The following NAALADL2 variants were observed in gnomAD, a reference collection of about 807,000 sequenced individuals.
NAALADL2 encodes the protein N-acetylated alpha-linked acidic dipeptidase like 2.
A neutral mutation model predicts 87.2 loss-of-function variants in NAALADL2; 76 were observed. That is an observed-to-expected ratio of 0.87 (90% CI 0.72 to 1.05). The LOEUF (loss-of-function observed/expected upper bound fraction) is 1.05, where lower values mean the gene tolerates loss of function less well. Ranked by LOEUF, NAALADL2 falls within the 50% of genes least tolerant of loss-of-function variation. The pLI is 0.00. For missense variants in NAALADL2, 1,089 were observed against 945.8 expected, an observed-to-expected ratio of 1.15 and a Z score of -1.99; for synonymous variants, 354 against 331.0, an observed-to-expected ratio of 1.07 and a Z score of -0.75.
At chr3:174,784,392 TA>T (rs1230000283) in intron 3 of NAALADL2, among the ~76,000 whole-genome samples, 2 of 152,186 alleles carry the variant, frequency 1.3e-5, no homozygotes, top group African/African-American at 4.8e-5. Flanking sequence ...TTGAAGAGCC[TA>T]AATCTGCCTT....
intron 11 of NAALADL2, among the ~76,000 whole-genome samples, chr3:175,644,638 C>A (rs1389426604): frequency 6.6e-6 from 1 of 152,082 alleles, no homozygotes; most frequent in African/African-American, 2.4e-5. Context: ...GTTTTAGACA[C>A]AGAATTTTAA....
At chr3:175,157,190 C>T (rs1732448544) in intron 2 of NAALADL2, among the ~76,000 whole-genome samples, 1 of 151,930 alleles carries the variant, frequency 6.6e-6, no homozygotes, top group Admixed American at 6.6e-5. Context: ...AACTGTCTAC[C>T]TCCAGTTGCG....
chr3:174,921,874 T>C (rs1408265171), intron 1 of NAALADL2, among the ~76,000 whole-genome samples: 1 of 147,308 alleles, frequency 6.8e-6, no homozygotes, highest in Non-Finnish European at 1.5e-5. Flanking sequence ...AGGTGCAAAA[T>C]CCATTTGGCA....
In NAALADL2 at chr3:174,726,759, G is replaced by C. The variant is rs187033632; in HGVS notation, c.-114-10882G>C. Among the ~76,000 whole-genome samples the C allele has an allele frequency of 1.5e-3, 230 of 152,058 alleles. 1 individual carries two copies. The highest frequency in any genetic ancestry group is 5.4e-3 in the African/African-American group (224 of 41,478). On this transcript the variant is annotated intron_variant, in intron 2 of 3. Coordinates refer to the NAALADL2 transcript ENST00000434257. ...TGCCCCTCAGGATTTCGTGTTCTCAGTGGCTCATCTTCACTGCTTAAGGCA... is the reference window on the plus strand; with the variant it reads ...TGCCCCTCAGGATTTCGTGTTCTCACTGGCTCATCTTCACTGCTTAAGGCA...
chr3:175,385,622 A>G (rs1768286799), intron 5 of NAALADL2, among the ~76,000 whole-genome samples: 1 of 152,154 alleles, frequency 6.6e-6, no homozygotes, highest in African/African-American at 2.4e-5. Context: ...GCTAGAAGAG[A>G]ATAATTCAAA....
intron 1 of NAALADL2, among the ~76,000 whole-genome samples, chr3:175,081,690 G>T (rs1388944577): frequency 6.6e-6 from 1 of 152,044 alleles, no homozygotes; most frequent in African/African-American, 2.4e-5. Context: ...CACAGCATTG[G>T]TTCTTGTTGA....
At chr3:174,728,321 T>C (rs961901746) in intron 2 of NAALADL2, among the ~76,000 whole-genome samples, 3 of 152,018 alleles carry the variant, frequency 2.0e-5, no homozygotes, top group Non-Finnish European at 2.9e-5. Flanking sequence ...TATGAACTTA[T>C]AATAAGCCTT....
At chr3:174,824,152 G>C (rs1721730552) in intron 3 of NAALADL2, among the ~76,000 whole-genome samples, 1 of 152,098 alleles carries the variant, frequency 6.6e-6, no homozygotes, top group South Asian at 2.1e-4. Context: ...GATCATAGCT[G>C]AGTGTAATTT....
chr3:174,931,659 T>C (rs1354401047), intron 1 of NAALADL2, among the ~76,000 whole-genome samples: 1 of 152,176 alleles, frequency 6.6e-6, no homozygotes, highest in East Asian at 1.9e-4. Flanking sequence ...CAAGGGTAGA[T>C]AAGATCCAAG....
chr3:175,695,875 G>A (rs528959653), intron 11 of NAALADL2, among the ~76,000 whole-genome samples: 5 of 152,160 alleles, frequency 3.3e-5, no homozygotes, highest in South Asian at 4.1e-4. Context: ...TAGCCTGGGC[G>A]TGCTTATTAG....
At chr3:175,339,480 C>T (rs1460204509) in intron 5 of NAALADL2, among the ~76,000 whole-genome samples, 2 of 152,168 alleles carry the variant, frequency 1.3e-5, no homozygotes, top group Non-Finnish European at 2.9e-5. Flanking sequence ...CAAGTCTCAT[C>T]TCTTTAATTC....
chr3:174,739,427 G>T (rs576375637), intron 3 of NAALADL2, among the ~76,000 whole-genome samples: 1 of 152,148 alleles, frequency 6.6e-6, no homozygotes, highest in African/African-American at 2.4e-5. Context: ...GATAAAGAGA[G>T]AATTATAAGG....
intron 2 of NAALADL2, among the ~76,000 whole-genome samples, chr3:174,597,030 A>G (rs1560080538): frequency 6.6e-6 from 1 of 152,196 alleles, no homozygotes; most frequent in Admixed American, 6.5e-5. Flanking sequence ...GGCATCCAAC[A>G]CTATCCCAAG....
At chr3:174,888,673 C>T (rs993242195) in intron 1 of NAALADL2, among the ~76,000 whole-genome samples, 2 of 152,186 alleles carry the variant, frequency 1.3e-5, no homozygotes, top group African/African-American at 2.4e-5. Context: ...ATCAACCTTG[C>T]GCTCTGAGCA....
Position 175,433,119 on chromosome 3 carries a change from C to T in NAALADL2, c.1091-14110C>T, listed in dbSNP as rs116207424. Among the ~76,000 whole-genome samples, 1,037 of 152,116 alleles carry T rather than the reference C, an allele frequency of 6.8e-3. 10 individuals carry two copies. The highest frequency in any genetic ancestry group is 0.024 in the African/African-American group (1,002 of 41,528). On this transcript the variant is annotated intron_variant, in intron 5 of 13. Transcript: ENST00000454872. ...TCTCCCAGCTCTTCTGGTTTGCTCC[C>T]TGTTTCCATCCCAAGCCACAAATAT... is the stretch of plus-strand genomic sequence containing the variant.
intron 1 of NAALADL2, among the ~76,000 whole-genome samples, chr3:174,947,144 T>A (rs1560399233): frequency 1.3e-5 from 2 of 152,200 alleles, no homozygotes; most frequent in Non-Finnish European, 2.9e-5. Flanking sequence ...GAGGGTCAAA[T>A]GTATAATTTT....
intron 3 of NAALADL2, among the ~76,000 whole-genome samples, chr3:174,796,287 C>A (rs1718076111): frequency 6.6e-6 from 1 of 152,166 alleles, no homozygotes; most frequent in South Asian, 2.1e-4. Context: ...ATATTGCATA[C>A]TGGTGGTCTG....
intron 1 of NAALADL2, among the ~76,000 whole-genome samples, chr3:174,881,218 A>G (rs2109700633): frequency 6.6e-6 from 1 of 152,240 alleles, no homozygotes; most frequent in South Asian, 2.1e-4. Context: ...CATGGAACAT[A>G]TGATATTTCA....
At chr3:174,941,760 TTA>T (rs1331335799) in intron 1 of NAALADL2, among the ~76,000 whole-genome samples, 1 of 53,300 alleles carries the variant, frequency 1.9e-5, no homozygotes, top group African/African-American at 1.0e-4. Context: ...ATGTACTTCT[TTA>T]TGTTTTTTTT....
Sources: gnomAD v4.1 joint callset for allele counts (sites outside exome capture counted in the v4.1 genomes callset) on GRCh38, gnomAD v4.1.1 for gene constraint, MANE v1.5 for transcripts, NCBI Gene and HGNC (gene_info 2026-07-23, HGNC 2026-07-21) for gene names.